The following CSMD3 variants were observed in gnomAD, a reference collection of about 807,000 sequenced individuals.
CSMD3 encodes CUB and sushi domain-containing protein 3.
A neutral mutation model predicts 435.2 loss-of-function variants in CSMD3; 177 were observed. That is an observed-to-expected ratio of 0.41 (90% CI 0.36 to 0.46). The LOEUF (loss-of-function observed/expected upper bound fraction) is 0.46. Ranked by LOEUF, CSMD3 falls within the 20% of genes least tolerant of loss-of-function variation. The probability of loss-of-function intolerance (pLI) is 0.34; values close to 1 mark genes in which losing one functional copy is unlikely to be tolerated. For synonymous variants in CSMD3, 1,656 were observed against 1,520.5 expected, an observed-to-expected ratio of 1.09 and a Z score of -2.07; for missense variants, 4,265 against 4,504.6, an observed-to-expected ratio of 0.95 and a Z score of 1.52.
chr8:112,317,478 T>C (rs1284353719), intron 47 of CSMD3, among the ~76,000 whole-genome samples: 1 of 151,964 alleles, frequency 6.6e-6, no homozygotes, highest in Admixed American at 6.6e-5. Flanking sequence ...GTATAACCCC[T>C]CAAAGGTTGA....
chr8:112,355,564 T>C (rs1826514926), intron 38 of CSMD3, among the ~76,000 whole-genome samples: 2 of 152,198 alleles, frequency 1.3e-5, no homozygotes, highest in African/African-American at 2.4e-5. Flanking sequence ...CCGTGCGTGG[T>C]GGCTCATGCC....
At chr8:112,305,472 T>C (rs1821335719) in intron 51 of CSMD3, among the ~76,000 whole-genome samples, 1 of 152,134 alleles carries the variant, frequency 6.6e-6, no homozygotes, top group African/African-American at 2.4e-5. Context: ...TTTTCTATTT[T>C]TTGCTACCAA....
At chr8:113,073,032 G>A (rs944083557) in intron 5 of CSMD3, among the ~76,000 whole-genome samples, 1 of 149,914 alleles carries the variant, frequency 6.7e-6, no homozygotes, top group Admixed American at 6.7e-5. Flanking sequence ...AAAACCTTCA[G>A]AAAAAAAAAT....
chr8:113,147,296 C>T (rs1383595034), intron 4 of CSMD3, among the ~76,000 whole-genome samples: 3 of 151,606 alleles, frequency 2.0e-5, no homozygotes, highest in Non-Finnish European at 4.4e-5. Flanking sequence ...AAGACATAGA[C>T]TTTGCCCTCA....
In CSMD3 at chr8:112,303,511, C is replaced by T. The variant is rs544222586; in HGVS notation, c.8266+1210G>A. On this transcript the variant is annotated intron_variant, in intron 52 of 70. Transcript: ENST00000297405. ...CAGAGGTTGCAGTGAGCTGAGATCGCGCCACTGCACTCCAGCCTGGCAGAC... is the reference window on the plus strand; with the variant it reads ...CAGAGGTTGCAGTGAGCTGAGATCGTGCCACTGCACTCCAGCCTGGCAGAC... Among the ~76,000 whole-genome samples, 7 of 151,908 alleles carry T rather than the reference C, an allele frequency of 4.6e-5. No individual in the cohort carries two copies. The East Asian group carries it at 5.8e-4, about 13-fold the overall frequency.
intron 11 of CSMD3, among the ~76,000 whole-genome samples, chr8:112,853,261 C>T (rs1046567809): frequency 1.2e-4 from 18 of 152,070 alleles, no homozygotes; most frequent in African/African-American, 4.1e-4. Flanking sequence ...AGTCTGACTC[C>T]GTTGCCCAGG....
intron 6 of CSMD3, among the ~76,000 whole-genome samples, chr8:113,018,367 A>C (rs1412625900): frequency 1.3e-5 from 2 of 152,066 alleles, no homozygotes; most frequent in African/African-American, 4.8e-5. Context: ...ATTAAAAAAA[A>C]CAAAAAACAC....
At chr8:112,720,162 A>G (rs1166714209) in intron 13 of CSMD3, among the ~76,000 whole-genome samples, 1 of 152,180 alleles carries the variant, frequency 6.6e-6, no homozygotes, top group East Asian at 1.9e-4. Flanking sequence ...TGGCAAAGGT[A>G]CATTCATTTG....
At chr8:113,032,163 C>T (rs551192775) in intron 5 of CSMD3, among the ~76,000 whole-genome samples, 5 of 151,522 alleles carry the variant, frequency 3.3e-5, no homozygotes, top group South Asian at 4.2e-4. Flanking sequence ...ACTAGTAGAG[C>T]GAGTTACTCC....
At chr8:112,590,326 C>T (rs1831076400) in intron 22 of CSMD3, among the ~76,000 whole-genome samples, 2 of 151,894 alleles carry the variant, frequency 1.3e-5, no homozygotes, top group South Asian at 2.1e-4. Context: ...CCAGGAAAGA[C>T]TCTCTGAAGT....
intron 5 of CSMD3, among the ~76,000 whole-genome samples, chr8:113,024,066 C>A (rs1282140616): frequency 6.6e-6 from 1 of 152,172 alleles, no homozygotes; most frequent in African/African-American, 2.4e-5. Flanking sequence ...CCAACCTCTC[C>A]TATCAACTCA....
intron 45 of CSMD3, among the ~76,000 whole-genome samples, chr8:112,329,089 C>T (rs1304548316): frequency 6.6e-6 from 1 of 152,102 alleles, no homozygotes; most frequent in African/African-American, 2.4e-5. Context: ...GTCTTCTCCG[C>T]ATGCAGACAG....
Position 112,694,084 on chromosome 8 carries a change from C to T in CSMD3, c.1973-4034G>A, listed in dbSNP as rs556283112. Among the ~76,000 whole-genome samples the T allele has an allele frequency of 9.3e-5, 14 of 150,226 alleles. No individual in the cohort carries two copies. In the East Asian group the frequency reaches 2.5e-3, roughly 27 times the overall value. On this transcript the variant is annotated intron_variant, in intron 13 of 70. Coordinates refer to ENST00000297405, the MANE Select transcript of CSMD3 (RefSeq NM_198123.2). ...TTCTTTTTTTCCATAAATACAATTT[C>T]CCCCCTTAATTTTGTGAAGGTATCT... is the stretch of plus-strand genomic sequence containing the variant.
intron 38 of CSMD3, among the ~76,000 whole-genome samples, chr8:112,361,172 A>G (rs137920851): frequency 2.6e-5 from 4 of 152,048 alleles, no homozygotes; most frequent in African/African-American, 9.6e-5. Context: ...AGTCATTTTA[A>G]GGTTCATGAG....
chr8:112,486,860 G>A (rs1820187240), intron 31 of CSMD3, among the ~76,000 whole-genome samples: 1 of 152,112 alleles, frequency 6.6e-6, no homozygotes, highest in South Asian at 2.1e-4. Context: ...CAAGGACAAG[G>A]TTGAATTCAT....
chr8:112,431,116 C>A (rs375801213), intron 32 of CSMD3, among the ~76,000 whole-genome samples: 4 of 152,092 alleles, frequency 2.6e-5, no homozygotes, highest in Admixed American at 2.6e-4. Flanking sequence ...AGACTATAGG[C>A]TATTGAAATA....
chr8:112,402,594 A>G (rs1219791539), intron 35 of CSMD3, among the ~76,000 whole-genome samples: 1 of 152,116 alleles, frequency 6.6e-6, no homozygotes, highest in African/African-American at 2.4e-5. Context: ...AAGTCCTTCT[A>G]TTTTTACAGC....
intron 1 of CSMD3, among the ~76,000 whole-genome samples, chr8:113,417,304 T>C (rs903169470): frequency 1.3e-5 from 2 of 151,984 alleles, no homozygotes; most frequent in Admixed American, 6.5e-5. Flanking sequence ...CAAACAATGA[T>C]GTAGAAAAGC....
chr8:113,370,412 G>GTTTT (rs113514823), intron 1 of CSMD3, among the ~76,000 whole-genome samples: 1 of 144,594 alleles, frequency 6.9e-6, no homozygotes. Flanking sequence ...TTGTGATTAG[G>GTTTT]TTTTTTTTTT....
Sources: gnomAD v4.1 joint callset for allele counts (sites outside exome capture counted in the v4.1 genomes callset) on GRCh38, gnomAD v4.1.1 for gene constraint, MANE v1.5 for transcripts, NCBI Gene and HGNC (gene_info 2026-07-23, HGNC 2026-07-21) for gene names.